The following LRRC74A variants were observed in gnomAD, a reference collection of about 807,000 sequenced individuals.
LRRC74A encodes the protein leucine rich repeat containing 74A.
LRRC74A carries 44 observed loss-of-function variants against 57.9 expected under a neutral mutation model. The ratio of observed to expected loss-of-function variants is 0.76; its 90% CI spans 0.60 to 0.98. LRRC74A has a LOEUF of 0.98. LRRC74A is among the 50% of genes least tolerant of loss of function. The probability of loss-of-function intolerance (pLI) is 0.00; values close to 1 mark genes in which losing one functional copy is unlikely to be tolerated. For missense variants in LRRC74A, 572 were observed against 574.0 expected (o/e 1.00, Z 0.04); for synonymous variants, 211 against 219.4 (o/e 0.96, Z 0.34).
chr14:76,867,080 T>G (rs1268912538), intron 12 of LRRC74A, among the ~76,000 whole-genome samples: 1 of 6,504 alleles, frequency 1.5e-4, no homozygotes, highest in Non-Finnish European at 2.8e-4. Flanking sequence ...TGTTGGGGGG[T>G]GGGGTGTGTG....
At chr14:76,838,319 T>C (rs1896513316) in intron 5 of LRRC74A, among the ~76,000 whole-genome samples, 1 of 152,108 alleles carries the variant, frequency 6.6e-6, no homozygotes, top group Non-Finnish European at 1.5e-5. Flanking sequence ...AATAAAATCA[T>C]AAAAGAACAA....
At chr14:76,868,938 C>T (rs1252324901) in intron 13 of LRRC74A, among the ~76,000 whole-genome samples, 2 of 152,206 alleles carry the variant, frequency 1.3e-5, no homozygotes, top group Admixed American at 1.3e-4. Context: ...GGGAAATGCA[C>T]ACAGCGGCTG....
At chr14:76,846,733 GTGT>G (rs1409086145) in intron 7 of LRRC74A, among the ~76,000 whole-genome samples, 1 of 152,206 alleles carries the variant, frequency 6.6e-6, no homozygotes, top group Non-Finnish European at 1.5e-5. Context: ...TTGGATGATG[GTGT>G]TGTTTACGTG....
intron 11 of LRRC74A, among the ~76,000 whole-genome samples, chr14:76,863,254 G>A (rs756163313): frequency 6.7e-6 from 1 of 150,298 alleles, no homozygotes; most frequent in Non-Finnish European, 1.5e-5. Flanking sequence ...GAAACCCAAA[G>A]ATAACCCAAG....
At chr14:76,852,291 T>C in intron 7 of LRRC74A, 74 bp from the exon 8 acceptor site, 1 of 1,178,584 alleles carries the variant, frequency 8.5e-7, no homozygotes, top group Non-Finnish European at 1.2e-6. Context: ...CCCAGTGTCA[T>C]GGACATCTGT....
At chr14:76,849,834 A>G (rs192084703) in intron 7 of LRRC74A, among the ~76,000 whole-genome samples, 70 of 151,654 alleles carry the variant, frequency 4.6e-4, no homozygotes, top group African/African-American at 1.7e-3. Flanking sequence ...ACAAAAAAAA[A>G]ACCCAACACT....
In LRRC74A at chr14:76,867,446, C is replaced by T. The variant is rs1405480829; in HGVS notation, c.1391+8C>T. ...AGGCATGGTGAACTTCAGGTCAGCC[C>T]AGGCCCCGCGACGATCCCCGTTCTC... is the stretch of plus-strand genomic sequence containing the variant. On this transcript the variant is annotated splice_region_variant and intron_variant, in intron 13 of 13. Coordinates refer to ENST00000689127, the MANE Select transcript of LRRC74A (RefSeq NM_001385106.1). 2.6e-6 allele frequency: 4 copies of T among 1,541,334 alleles called. No homozygotes were observed. In the Admixed American group the frequency reaches 5.0e-5, roughly 19 times the overall value.
At chr14:76,867,471 C>G (rs749632012) in intron 13 of LRRC74A, 33 bp downstream of exon 13, 8 of 1,177,454 alleles carry the variant, frequency 6.8e-6, no homozygotes, top group Non-Finnish European at 1.0e-5. Flanking sequence ...TCCCCGTTCT[C>G]TGCAAGGGGC....
chr14:76,847,131 T>A (rs4899618), intron 7 of LRRC74A, among the ~76,000 whole-genome samples: 139,841 of 152,184 alleles, frequency 0.92, 64,386 homozygotes, highest in Non-Finnish European at 0.94. Context: ...CGAGGAAGGG[T>A]GCAGTGCAGG....
chr14:76,836,505 A>G (rs1020128288), intron 4 of LRRC74A, among the ~76,000 whole-genome samples, 191 bp downstream of exon 4: 9 of 152,234 alleles, frequency 5.9e-5, no homozygotes, highest in African/African-American at 2.2e-4. Flanking sequence ...GGAAAACCTA[A>G]GAAACAATTT....
At chr14:76,867,496 T>A in intron 13 of LRRC74A, 58 bp downstream of exon 13, 1 of 869,554 alleles carries the variant, frequency 1.2e-6, no homozygotes, top group South Asian at 1.4e-5. Flanking sequence ...GCTGGGCTGA[T>A]GTGAGCTCCT....
intron 7 of LRRC74A, 99 bp from the exon 8 acceptor site, chr14:76,852,266 T>C: frequency 1.2e-6 from 1 of 807,056 alleles, no homozygotes; most frequent in Non-Finnish European, 1.9e-6. Flanking sequence ...GCATGACCAC[T>C]GAGTGGTCTT....
At chr14:76,852,171 C>T (rs1897543758) in intron 7 of LRRC74A, among the ~76,000 whole-genome samples, 194 bp from the exon 8 acceptor site, 1 of 152,114 alleles carries the variant, frequency 6.6e-6, no homozygotes, top group Non-Finnish European at 1.5e-5. Flanking sequence ...ATTATTTCAC[C>T]ACATCTTTGC....
rs147994325 is a variant in LRRC74A at position 76,864,308 on chromosome 14, C to T, written c.1201-1660C>T. On this transcript the variant is annotated intron_variant, in intron 11 of 13. Coordinates refer to ENST00000689127, the MANE Select transcript of LRRC74A (RefSeq NM_001385106.1). ...AGTGTGGGGAACAAAGAGCAAGGGC[C>T]CCAGGGCTGAACCCTGAGGAAATGC... Among the ~76,000 whole-genome samples, 724 of 151,312 alleles carry T rather than the reference C, an allele frequency of 4.8e-3. 4 individuals carry two copies. The highest frequency in any genetic ancestry group is 0.017 in the African/African-American group (690 of 41,180).
chr14:76,836,188 C>T lies in LRRC74A; in HGVS notation c.340-19C>T, dbSNP rs200401253. On this transcript the variant is annotated intron_variant, in intron 3 of 13. Transcript: ENST00000689127. ...CAACCACTTCTGTGTCTCTCTCCCT[C>T]CCCTTGTGCTGGCTGAAGTCCAACA... 3.9e-4 allele frequency: 621 copies of T among 1,583,574 alleles called. No individual in the cohort carries two copies. The highest frequency in any genetic ancestry group is 5.2e-4 in the Non-Finnish European group (603 of 1,153,558).
chr14:76,861,249 G>A (rs1898283504), intron 11 of LRRC74A, among the ~76,000 whole-genome samples: 1 of 152,248 alleles, frequency 6.6e-6, no homozygotes, highest in African/African-American at 2.4e-5. Flanking sequence ...AATGCATGAA[G>A]TGCTTAGAAG....
At chr14:76,865,884 C>G in intron 11 of LRRC74A, 84 bp from the exon 12 acceptor site, 1 of 1,072,596 alleles carries the variant, frequency 9.3e-7, no homozygotes, top group Non-Finnish European at 1.4e-6. Flanking sequence ...AAGCATGGGC[C>G]GCTCTTTTGT....
At chr14:76,836,081 C>T (rs2140265418) in intron 3 of LRRC74A, 126 bp from the exon 4 acceptor site, 3 of 689,772 alleles carry the variant, frequency 4.3e-6, no homozygotes, top group Non-Finnish European at 7.7e-6. Context: ...TCGCCCTTGC[C>T]AGGCCTTCAG....
chr14:76,848,398 CAAA>C (rs561999249), intron 7 of LRRC74A, among the ~76,000 whole-genome samples: 1 of 137,346 alleles, frequency 7.3e-6, no homozygotes. Context: ...GACTCCATCT[CAAA>C]AAAAAAAAAA....
Sources: gnomAD v4.1 joint callset for allele counts (sites outside exome capture counted in the v4.1 genomes callset) on GRCh38, gnomAD v4.1.1 for gene constraint, MANE v1.5 for transcripts, NCBI Gene and HGNC (gene_info 2026-07-23, HGNC 2026-07-21) for gene names.